Variants in FSTL5 observed in about 807,000 individuals in gnomAD.
FSTL5 encodes the protein follistatin-related protein 5.
In FSTL5, 62 loss-of-function variants were observed where a neutral mutation model predicts 89.1. The observed-to-expected ratio is 0.70, with a 90% CI of 0.57 to 0.86. The LOEUF is 0.86. Ranked by LOEUF, FSTL5 falls within the 40% of genes least tolerant of loss-of-function variation. FSTL5 has a pLI of 0.00. For synonymous variants in FSTL5, 383 were observed against 346.2 expected, an observed-to-expected ratio of 1.11 and a Z score of -1.18; for missense variants, 1,057 against 1,001.6, an observed-to-expected ratio of 1.06 and a Z score of -0.75.
chr4:161,613,610 A>G (rs1374080543), intron 7 of FSTL5, among the ~76,000 whole-genome samples: 1 of 152,118 alleles, frequency 6.6e-6, no homozygotes, highest in Non-Finnish European at 1.5e-5. Flanking sequence ...ATCTCCAATG[A>G]CTTCTTCAAA....
At chr4:161,870,887 G>A (rs993883341) in intron 4 of FSTL5, among the ~76,000 whole-genome samples, 1 of 152,042 alleles carries the variant, frequency 6.6e-6, no homozygotes, top group Non-Finnish European at 1.5e-5. Flanking sequence ...AACCCAAAAG[G>A]AATGACAGGT....
intron 4 of FSTL5, among the ~76,000 whole-genome samples, chr4:161,808,716 G>C (rs775770245): frequency 1.3e-5 from 2 of 152,040 alleles, no homozygotes; most frequent in African/African-American, 4.8e-5. Flanking sequence ...ATAATGTACA[G>C]AATGTGAGAA....
intron 2 of FSTL5, chr4:162,047,386 A>G (rs1008489058): frequency 2.6e-5 from 4 of 152,012 alleles, no homozygotes; most frequent in African/African-American, 9.7e-5. Context: ...CCCAAAAATC[A>G]TGGTCTAGTT....
At chr4:162,080,252 T>A (rs984433) in intron 2 of FSTL5, among the ~76,000 whole-genome samples, 59,503 of 151,380 alleles carry the variant, frequency 0.39, 12,324 homozygotes, top group Non-Finnish European at 0.46. Flanking sequence ...TTTTTACAAC[T>A]TTTACTTTTC....
intron 6 of FSTL5, among the ~76,000 whole-genome samples, chr4:161,735,854 G>A (rs555378694): frequency 6.6e-6 from 1 of 152,110 alleles, no homozygotes; most frequent in South Asian, 2.1e-4. Flanking sequence ...TATAAAGAGT[G>A]CAGGTTATAA....
chr4:162,113,275 C>T (rs1283705277), intron 1 of FSTL5, among the ~76,000 whole-genome samples: 1 of 151,412 alleles, frequency 6.6e-6, no homozygotes, highest in Non-Finnish European at 1.5e-5. Flanking sequence ...AAGGAAACAT[C>T]TTTGATATCT....
chr4:162,048,549 G>A (rs10029205), intron 2 of FSTL5, among the ~76,000 whole-genome samples: 133,988 of 151,868 alleles, frequency 0.88, 59,096 homozygotes, highest in East Asian at 0.92. Flanking sequence ...CTTCCTCTTT[G>A]GGAAAATGTT....
intron 2 of FSTL5, among the ~76,000 whole-genome samples, chr4:162,103,254 G>C (rs546784264): frequency 2.0e-5 from 3 of 152,102 alleles, no homozygotes; most frequent in Admixed American, 6.6e-5. Flanking sequence ...GAATAAACAC[G>C]CAAACAACAC....
chr4:161,597,633 A>C (rs930915198), intron 7 of FSTL5, among the ~76,000 whole-genome samples: 1 of 148,820 alleles, frequency 6.7e-6, no homozygotes, highest in Admixed American at 7.0e-5. Flanking sequence ...TATAATAAAA[A>C]AAATATGAAA....
At chr4:161,841,291 A>G (rs1007274113) in intron 4 of FSTL5, among the ~76,000 whole-genome samples, 1 of 152,150 alleles carries the variant, frequency 6.6e-6, no homozygotes, top group Non-Finnish European at 1.5e-5. Flanking sequence ...GGAAAACCAT[A>G]TGTTATTGTT....
chr4:162,056,490 T>TAAAG (rs1254336603), intron 2 of FSTL5, among the ~76,000 whole-genome samples: 1 of 151,272 alleles, frequency 6.6e-6, no homozygotes, highest in African/African-American at 2.5e-5. Context: ...CAGCATTGTA[T>TAAAG]GAACATTCTG....
intron 3 of FSTL5, among the ~76,000 whole-genome samples, chr4:161,940,800 T>C (rs1025947530): frequency 2.0e-5 from 3 of 151,380 alleles, no homozygotes; most frequent in Non-Finnish European, 4.4e-5. Flanking sequence ...CTCTAGACAA[T>C]TACTCAAAGC....
chr4:161,793,897 C>T (rs1729551521), intron 4 of FSTL5, among the ~76,000 whole-genome samples: 1 of 152,162 alleles, frequency 6.6e-6, no homozygotes, highest in East Asian at 1.9e-4. Flanking sequence ...GTGTGAGCCA[C>T]TGTGCCTGGC....
chr4:161,714,536 T>A (rs747877256), intron 6 of FSTL5, among the ~76,000 whole-genome samples: 8 of 152,182 alleles, frequency 5.3e-5, no homozygotes, highest in Non-Finnish European at 1.2e-4. Flanking sequence ...GCCTCTATCT[T>A]GTAATGAATG....
intron 3 of FSTL5, among the ~76,000 whole-genome samples, chr4:162,019,283 A>G (rs1470461856): frequency 6.6e-6 from 1 of 152,092 alleles, no homozygotes; most frequent in Non-Finnish European, 1.5e-5. Context: ...ATAACATATG[A>G]TCTAGATACC....
At chr4:162,150,360 C>T (rs1181651741) in intron 1 of FSTL5, among the ~76,000 whole-genome samples, 2 of 152,058 alleles carry the variant, frequency 1.3e-5, no homozygotes, top group Admixed American at 1.3e-4. Context: ...TCCCAGAAAC[C>T]TTGATGTCAG....
intron 4 of FSTL5, among the ~76,000 whole-genome samples, chr4:161,918,629 C>T (rs1305909634): frequency 1.3e-5 from 2 of 151,822 alleles, no homozygotes; most frequent in Non-Finnish European, 2.9e-5. Flanking sequence ...TATTTTCCCA[C>T]GATATTTATT....
chr4:162,037,480 G>A (rs1213490144), intron 2 of FSTL5, among the ~76,000 whole-genome samples: 1 of 151,830 alleles, frequency 6.6e-6, no homozygotes, highest in Non-Finnish European at 1.5e-5. Flanking sequence ...TGGTATGATT[G>A]AGCCAATCCT....
At chr4:162,056,701 CA>C (rs1245459411) in intron 2 of FSTL5, among the ~76,000 whole-genome samples, 3 of 152,062 alleles carry the variant, frequency 2.0e-5, no homozygotes, top group African/African-American at 4.8e-5. Context: ...CTTAATAAAA[CA>C]TTTTTTTAAA....
Sources: allele counts gnomAD v4.1 joint callset (sites outside exome capture counted in the v4.1 genomes callset), GRCh38; gene constraint gnomAD v4.1.1; transcripts MANE v1.5; gene names NCBI Gene and HGNC (gene_info 2026-07-23, HGNC 2026-07-21).